CSMD3: variants seen among roughly 807,000 people sequenced by gnomAD.
CSMD3 encodes CUB and Sushi multiple domains 3.
Under a neutral mutation model 435.2 loss-of-function variants are expected in CSMD3, and 177 were observed. That is an observed-to-expected ratio of 0.41 (90% CI 0.36 to 0.46). The LOEUF (loss-of-function observed/expected upper bound fraction) is 0.46, where lower values mean the gene tolerates loss of function less well. Ranked by LOEUF, CSMD3 falls within the 20% of genes least tolerant of loss-of-function variation. CSMD3 has a pLI of 0.34. For missense variants in CSMD3, 4,265 were observed against 4,504.6 expected (o/e 0.95, Z 1.52); for synonymous variants, 1,656 against 1,520.5 (o/e 1.09, Z -2.07).
At chr8:112,794,111 GTCTT>G (rs938225695) in intron 13 of CSMD3, among the ~76,000 whole-genome samples, 1 of 151,708 alleles carries the variant, frequency 6.6e-6, no homozygotes, top group African/African-American at 2.4e-5. Context: ...ACAATGCTAT[GTCTT>G]TCTTTCTATT....
At chr8:113,399,991 A>AT (rs1470877517) in intron 1 of CSMD3, among the ~76,000 whole-genome samples, 1 of 151,494 alleles carries the variant, frequency 6.6e-6, no homozygotes, top group Non-Finnish European at 1.5e-5. Context: ...TTTTGGTTAG[A>AT]TTTTAAATAA....
At position 112,237,249 on chromosome 8, in the gene CSMD3, G is replaced by A. The variant is rs748720200; in HGVS notation, c.10568C>T (p.Ala3523Val). ...TGTTGCGTTAACTCTCCCAGTGGAA[G>A]CATTGAAACTAGTAACTGTTAAGGT... is the stretch of plus-strand genomic sequence containing the variant. ...PMTLTVTSFN[A>V]STGRVNATLS... is the part of the protein sequence containing the mutation. The change falls in exon 67 of 71, where the codon GCT (alanine) becomes GTT (valine). Residue 3523 changes from alanine to valine, a missense_variant. Physicochemically the swap from Ala to Val is moderately conservative, Grantham distance 64 (BLOSUM62 0). Transcript: ENST00000297405. The A allele has an allele frequency of 1.2e-6, 2 of 1,613,476 alleles. No individual in the cohort carries two copies. Among genetic ancestry groups the A allele is most frequent in the Non-Finnish European group, 1.7e-6 (2 of 1,179,518 alleles).
chr8:112,875,426 G>A lies in CSMD3; in HGVS notation c.1634-16160C>T, dbSNP rs992030929. On this transcript the variant is annotated intron_variant, in intron 10 of 70. Coordinates refer to ENST00000297405, the MANE Select transcript of CSMD3 (RefSeq NM_198123.2). ...GTTGCTCTTCTCGAGGAGTATCTTT[G>A]TGGTGGTCTTTGTATTTCCTGTATT... Among the ~76,000 whole-genome samples, 2 of 152,066 alleles carry A rather than the reference G, an allele frequency of 1.3e-5. 1 individual carries two copies. Among genetic ancestry groups the A allele is most frequent in the South Asian group, 4.1e-4 (2 of 4,826 alleles).
At chr8:112,429,808 C>A (rs763215928) in intron 32 of CSMD3, among the ~76,000 whole-genome samples, 13 of 151,872 alleles carry the variant, frequency 8.6e-5, no homozygotes, top group Admixed American at 3.3e-4. Flanking sequence ...AAGTGTGTAA[C>A]CTCTGCTGGA....
At chr8:112,978,857 T>C (rs1465279196) in intron 6 of CSMD3, among the ~76,000 whole-genome samples, 1 of 151,826 alleles carries the variant, frequency 6.6e-6, no homozygotes, top group East Asian at 1.9e-4. Flanking sequence ...GCCTAGCACA[T>C]AGTAGATGCT....
At chr8:112,758,430 T>C (rs1439691489) in intron 13 of CSMD3, among the ~76,000 whole-genome samples, 2 of 152,138 alleles carry the variant, frequency 1.3e-5, no homozygotes, top group Non-Finnish European at 2.9e-5. Flanking sequence ...TCTTAGCATA[T>C]ATCTAATTTT....
chr8:113,372,030 T>A (rs182859560), intron 1 of CSMD3, among the ~76,000 whole-genome samples: 1 of 152,138 alleles, frequency 6.6e-6, no homozygotes. Flanking sequence ...CCACACTAGT[T>A]AAAAAAAATT....
At chr8:112,565,213 T>C (rs906801450) in intron 24 of CSMD3, among the ~76,000 whole-genome samples, 2 of 152,134 alleles carry the variant, frequency 1.3e-5, no homozygotes, top group Admixed American at 6.6e-5. Context: ...TTTAAAAATG[T>C]AAGAAATGTC....
At chr8:112,681,266 AT>A (rs760792354) in intron 16 of CSMD3, among the ~76,000 whole-genome samples, 3 of 151,418 alleles carry the variant, frequency 2.0e-5, no homozygotes, top group Non-Finnish European at 4.4e-5. Context: ...GTTGGCCAGA[AT>A]GGTCTCAATC....
At chr8:112,915,663 G>A (rs901628484) in intron 10 of CSMD3, among the ~76,000 whole-genome samples, 7 of 151,572 alleles carry the variant, frequency 4.6e-5, no homozygotes, top group African/African-American at 1.7e-4. Context: ...GATTTTAATG[G>A]TAAATAAAGC....
chr8:113,411,070 A>T (rs1468309867), intron 1 of CSMD3, among the ~76,000 whole-genome samples: 1 of 151,714 alleles, frequency 6.6e-6, no homozygotes, highest in Non-Finnish European at 1.5e-5. Flanking sequence ...GAAGGAAGGA[A>T]GGATGGAAGG....
chr8:113,285,552 C>A (rs1002369905), intron 2 of CSMD3, among the ~76,000 whole-genome samples: 9 of 152,124 alleles, frequency 5.9e-5, no homozygotes, highest in Admixed American at 4.6e-4. Context: ...AGCCACCCCG[C>A]CCCGCCAGTT....
intron 1 of CSMD3, among the ~76,000 whole-genome samples, chr8:113,341,770 G>A (rs2094120591): frequency 6.6e-6 from 1 of 152,038 alleles, no homozygotes; most frequent in African/African-American, 2.4e-5. Context: ...CAATGAGATT[G>A]TCCAAAGGAT....
At chr8:113,232,845 CTG>C (rs2093104142) in intron 3 of CSMD3, among the ~76,000 whole-genome samples, 1 of 151,770 alleles carries the variant, frequency 6.6e-6, no homozygotes, top group Non-Finnish European at 1.5e-5. Flanking sequence ...GTTAACTCTA[CTG>C]TAAGTGTTCC....
chr8:112,255,613 G>A (rs1815710722), intron 61 of CSMD3, 186 bp from the exon 62 acceptor site: 3 of 582,914 alleles, frequency 5.1e-6, no homozygotes, highest in South Asian at 4.5e-5. Context: ...TGAAAACTCA[G>A]TATAATATTT....
chr8:112,660,302 T>C (rs1227042768), intron 17 of CSMD3, among the ~76,000 whole-genome samples: 1 of 152,192 alleles, frequency 6.6e-6, no homozygotes, highest in Non-Finnish European at 1.5e-5. Context: ...AAGGAAGTGA[T>C]AGGCATATTT....
chr8:113,105,417 T>C (rs920735191), intron 4 of CSMD3, among the ~76,000 whole-genome samples: 10 of 152,128 alleles, frequency 6.6e-5, no homozygotes, highest in Non-Finnish European at 8.8e-5. Context: ...ATGTTAGTCA[T>C]AGGGCAAAGT....
intron 5 of CSMD3, among the ~76,000 whole-genome samples, chr8:113,081,225 G>A (rs926518269): frequency 3.9e-5 from 6 of 151,936 alleles, no homozygotes; most frequent in Non-Finnish European, 5.9e-5. Flanking sequence ...TCATGTTTCC[G>A]GATACCATAA....
intron 32 of CSMD3, among the ~76,000 whole-genome samples, chr8:112,428,532 G>C (rs1036347434): frequency 1.3e-5 from 2 of 152,120 alleles, no homozygotes; most frequent in African/African-American, 4.8e-5. Context: ...ATAATGTACA[G>C]TGTAAATGAA....
Sources: gnomAD v4.1 joint callset for allele counts (sites outside exome capture counted in the v4.1 genomes callset) on GRCh38, gnomAD v4.1.1 for gene constraint, MANE v1.5 for transcripts, NCBI Gene and HGNC (gene_info 2026-07-23, HGNC 2026-07-21) for gene names.